Variants in AGMO observed in about 807,000 individuals in gnomAD.
The protein encoded by AGMO is alkylglycerol monooxygenase, also known as glyceryl-ether monooxygenase.
A neutral mutation model predicts 60.2 loss-of-function variants in AGMO; 75 were observed. The ratio of observed to expected loss-of-function variants is 1.25; its 90% CI spans 1.03 to 1.51. The LOEUF (loss-of-function observed/expected upper bound fraction) is 1.51. AGMO is among the 40% of genes most tolerant of loss of function. The pLI is 0.00. For synonymous variants in AGMO, 261 were observed against 177.1 expected, an observed-to-expected ratio of 1.47 and a Z score of -3.76; for missense variants, 763 against 525.5, an observed-to-expected ratio of 1.45 and a Z score of -4.42.
chr7:15,501,833 C>G (rs1318413506), intron 3 of AGMO, among the ~76,000 whole-genome samples: 1 of 151,756 alleles, frequency 6.6e-6, no homozygotes, highest in African/African-American at 2.4e-5. Context: ...TAAATAATCC[C>G]AGGGAAATAA....
At chr7:15,531,965 G>T (rs1415889277) in intron 3 of AGMO, among the ~76,000 whole-genome samples, 1 of 151,914 alleles carries the variant, frequency 6.6e-6, no homozygotes, top group Non-Finnish European at 1.5e-5. Context: ...CACCACCCCT[G>T]GCCCAATAGC....
At chr7:15,326,410 T>C (rs1781340755) in intron 12 of AGMO, among the ~76,000 whole-genome samples, 1 of 152,166 alleles carries the variant, frequency 6.6e-6, no homozygotes, top group African/African-American at 2.4e-5. Flanking sequence ...GACTTCTCTT[T>C]AGAATCCTCC....
intron 12 of AGMO, among the ~76,000 whole-genome samples, chr7:15,352,518 C>T (rs943219755): frequency 8.8e-5 from 13 of 148,154 alleles, no homozygotes; most frequent in Non-Finnish European, 1.9e-4. Flanking sequence ...GGGAACTGGG[C>T]GTTTGGGTGT....
chr7:15,326,996 A>T (rs1563089363), intron 12 of AGMO, among the ~76,000 whole-genome samples: 1 of 152,034 alleles, frequency 6.6e-6, no homozygotes, highest in Non-Finnish European at 1.5e-5. Context: ...TCTTAATGTA[A>T]ATTGTTCTGT....
At chr7:15,149,985 T>C in the AGMO span, among the ~76,000 whole-genome samples, 1 of 152,258 alleles carries the variant, frequency 6.6e-6, no homozygotes, top group Non-Finnish European at 1.5e-5. Context: ...TCATCTCTGA[T>C]TTGTTTCATT....
chr7:15,345,929 T>C lies in AGMO; in HGVS notation c.1263+19585A>G, dbSNP rs115413981. On this transcript the variant is annotated intron_variant, in intron 12 of 12. Coordinates refer to ENST00000342526, the MANE Select transcript of AGMO (RefSeq NM_001004320.2). The stretch of plus-strand genomic sequence containing the variant: ...TAATGGCTGGATCTATTAATCCAAG[T>C]GAGGGAAATGAAACATCAATGTTTT... Among the ~76,000 whole-genome samples, 409 of 152,262 alleles carry C rather than the reference T, an allele frequency of 2.7e-3. 2 individuals are homozygous for C. The highest frequency in any genetic ancestry group is 9.2e-3 in the African/African-American group (384 of 41,574).
chr7:15,449,427 A>T (rs1018430009), intron 3 of AGMO, among the ~76,000 whole-genome samples: 7 of 152,136 alleles, frequency 4.6e-5, no homozygotes, highest in African/African-American at 1.7e-4. Context: ...CAGACCACAT[A>T]TATCATAGTG....
chr7:15,169,649 C>T, the AGMO span, among the ~76,000 whole-genome samples: 1 of 152,016 alleles, frequency 6.6e-6, no homozygotes, highest in African/African-American at 2.4e-5. Context: ...ATTGGCCAGG[C>T]CAGTGTCGAA....
At chr7:15,514,628 G>C (rs536851247) in intron 3 of AGMO, among the ~76,000 whole-genome samples, 34 of 152,082 alleles carry the variant, frequency 2.2e-4, no homozygotes, top group Non-Finnish European at 4.3e-4. Flanking sequence ...CCTTAAGAGA[G>C]TATATGAATA....
chr7:15,333,361 T>C (rs1781556264), intron 12 of AGMO, among the ~76,000 whole-genome samples: 1 of 152,078 alleles, frequency 6.6e-6, no homozygotes, highest in Non-Finnish European at 1.5e-5. Flanking sequence ...GTTTTTCTGG[T>C]CTTAGAAACA....
At chr7:15,309,790 T>C (rs1563079917) in intron 12 of AGMO, among the ~76,000 whole-genome samples, 1 of 152,174 alleles carries the variant, frequency 6.6e-6, no homozygotes, top group Non-Finnish European at 1.5e-5. Flanking sequence ...CTGGCTTGCC[T>C]AATGTCCCTC....
intron 3 of AGMO, among the ~76,000 whole-genome samples, chr7:15,531,492 T>G (rs1400983814): frequency 1.8e-5 from 1 of 55,946 alleles, no homozygotes. Context: ...ATATATTCTA[T>G]ATATATTCTA....
intron 3 of AGMO, among the ~76,000 whole-genome samples, chr7:15,529,329 T>A (rs569184776): frequency 1.2e-3 from 187 of 150,988 alleles, no homozygotes; most frequent in African/African-American, 4.3e-3. Flanking sequence ...TTAATGTAAC[T>A]TCAAAAGAAC....
intron 3 of AGMO, among the ~76,000 whole-genome samples, chr7:15,446,147 T>A (rs1781692276): frequency 6.6e-6 from 1 of 152,220 alleles, no homozygotes; most frequent in South Asian, 2.1e-4. Context: ...CTAAGGCCCA[T>A]GTAGAACAGT....
chr7:15,453,289 G>A (rs527267264), intron 3 of AGMO, among the ~76,000 whole-genome samples: 1 of 152,148 alleles, frequency 6.6e-6, no homozygotes, highest in Non-Finnish European at 1.5e-5. Context: ...GGGGAAAAAA[G>A]AAGCTTTTAT....
intron 12 of AGMO, chr7:15,358,536 T>TC (rs373817795): frequency 1.9e-5 from 8 of 414,840 alleles, no homozygotes; most frequent in African/African-American, 8.4e-5. Context: ...CTCCAGGGAT[T>TC]CCCTTCTTAG....
intron 12 of AGMO, among the ~76,000 whole-genome samples, chr7:15,347,578 C>T (rs1302138513): frequency 1.3e-5 from 2 of 150,998 alleles, no homozygotes; most frequent in Admixed American, 1.3e-4. Flanking sequence ...TAATTCATGA[C>T]TCAAAAACAT....
At chr7:15,229,290 A>C (rs1782182068) in intron 12 of AGMO, among the ~76,000 whole-genome samples, 1 of 152,102 alleles carries the variant, frequency 6.6e-6, no homozygotes. Flanking sequence ...CGAACATGGC[A>C]CATGTTCAAT....
At chr7:15,382,804 A>AT (rs1783747165) in intron 10 of AGMO, among the ~76,000 whole-genome samples, 1 of 152,168 alleles carries the variant, frequency 6.6e-6, no homozygotes, top group Non-Finnish European at 1.5e-5. Context: ...CCTACCATAG[A>AT]TATCTTAATT....
Sources: allele counts gnomAD v4.1 joint callset (sites outside exome capture counted in the v4.1 genomes callset), GRCh38; gene constraint gnomAD v4.1.1; transcripts MANE v1.5; gene names NCBI Gene and HGNC (gene_info 2026-07-23, HGNC 2026-07-21).